DLGAP2: variants seen among roughly 807,000 people sequenced by gnomAD.
DLGAP2 encodes disks large-associated protein 2.
DLGAP2 carries 26 observed loss-of-function variants against 100.3 expected under a neutral mutation model. The observed-to-expected ratio is 0.26, with a 90% CI of 0.19 to 0.36. The LOEUF (loss-of-function observed/expected upper bound fraction) is 0.36. Among genes scored for constraint, DLGAP2 ranks in the 10% least tolerant of loss-of-function variants. The pLI is 1.00. For missense variants in DLGAP2, 1,858 were observed against 1,453.2 expected, an observed-to-expected ratio of 1.28 and a Z score of -4.53; for synonymous variants, 886 against 630.1, an observed-to-expected ratio of 1.41 and a Z score of -6.08.
intron 2 of DLGAP2, among the ~76,000 whole-genome samples, chr8:1,168,268 A>T (rs910783872): frequency 6.6e-6 from 1 of 151,720 alleles, no homozygotes; most frequent in Non-Finnish European, 1.5e-5. Context: ...CATTTTCTTA[A>T]TCCAGTCTAT....
chr8:1,478,166 C>T (rs17063939), intron 3 of DLGAP2, among the ~76,000 whole-genome samples: 2,237 of 152,298 alleles, frequency 0.015, 54 homozygotes, highest in African/African-American at 0.05. Context: ...TCTGTCCACT[C>T]TCTTCCATTC....
At chr8:853,990 CT>C in intron 1 of DLGAP2, among the ~76,000 whole-genome samples, 1 of 152,240 alleles carries the variant, frequency 6.6e-6, no homozygotes, top group African/African-American at 2.4e-5. Context: ...CTCCCTGCAC[CT>C]CCTACCTAGC....
At chr8:1,234,459 A>G (rs1798602013) in intron 2 of DLGAP2, among the ~76,000 whole-genome samples, 1 of 152,164 alleles carries the variant, frequency 6.6e-6, no homozygotes, top group Non-Finnish European at 1.5e-5. Flanking sequence ...TCATAAGGAC[A>G]CTAGTAATAC....
chr8:770,443 T>A (rs1008683897), intron 1 of DLGAP2, among the ~76,000 whole-genome samples: 2 of 152,186 alleles, frequency 1.3e-5, no homozygotes, highest in African/African-American at 2.4e-5. Flanking sequence ...ACTTTTTTTC[T>A]TATAGAAATT....
intron 1 of DLGAP2, among the ~76,000 whole-genome samples, chr8:838,430 T>G (rs1796922069): frequency 6.6e-6 from 1 of 151,952 alleles, no homozygotes; most frequent in Non-Finnish European, 1.5e-5. Flanking sequence ...ATTTTATTTT[T>G]AGTGCTCCCT....
chr8:1,529,266 C>T (rs920375154), intron 4 of DLGAP2, among the ~76,000 whole-genome samples: 3 of 152,206 alleles, frequency 2.0e-5, no homozygotes, highest in Non-Finnish European at 2.9e-5. Flanking sequence ...CACTCACTAT[C>T]ATGAGAACAG....
chr8:1,074,470 C>T (rs1803539366), intron 2 of DLGAP2, among the ~76,000 whole-genome samples: 1 of 152,208 alleles, frequency 6.6e-6, no homozygotes. Flanking sequence ...AATACAGAAA[C>T]CCTTTCATGT....
Position 1,548,826 on chromosome 8 carries a change from G to C in DLGAP2, c.373G>C (p.Ala125Pro), listed in dbSNP as rs946633525. ...GCGGCCGCCCTACCTGCTGAGCCCC[G>C]CCGACAGCTGCCCCGGGGGGCGCCA... ...DARPPYLLSP[A>P]DSCPGGRHRC... Residue 125 changes from alanine to proline, a missense_variant, in exon 5 of 15, where the codon GCC (alanine) becomes CCC (proline). Coordinates refer to ENST00000637795, the MANE Select transcript of DLGAP2 (RefSeq NM_001346810.2). The C allele has an allele frequency of 1.3e-6, 2 of 1,578,542 alleles. No homozygotes were observed. The highest frequency in any genetic ancestry group is 4.6e-5 in the East Asian group (2 of 43,838).
intron 2 of DLGAP2, among the ~76,000 whole-genome samples, chr8:954,627 T>C (rs1799555729): frequency 6.6e-6 from 1 of 152,168 alleles, no homozygotes; most frequent in Non-Finnish European, 1.5e-5. Context: ...AGACATATAA[T>C]AGGATTGGAT....
chr8:775,302 C>T (rs1821486212), intron 1 of DLGAP2, among the ~76,000 whole-genome samples: 1 of 152,084 alleles, frequency 6.6e-6, no homozygotes, highest in Non-Finnish European at 1.5e-5. Flanking sequence ...CAAAGAGGGA[C>T]AATTTGACTT....
At chr8:1,625,045 T>TC (rs1426532202) in intron 6 of DLGAP2, among the ~76,000 whole-genome samples, 1 of 152,242 alleles carries the variant, frequency 6.6e-6, no homozygotes, top group African/African-American at 2.4e-5. Flanking sequence ...CAGTTTTTTT[T>TC]CTCTGATATT....
At chr8:1,621,146 C>A (rs79063624) in intron 6 of DLGAP2, 1 of 152,250 alleles carries the variant, frequency 6.6e-6, no homozygotes, top group African/African-American at 2.4e-5. Context: ...GTGGGAGGTG[C>A]CTTATTAAGA....
chr8:959,157 A>G (rs1056517452), intron 2 of DLGAP2, among the ~76,000 whole-genome samples: 1 of 152,226 alleles, frequency 6.6e-6, no homozygotes, highest in African/African-American at 2.4e-5. Context: ...GGATAAAAAT[A>G]TATTTCCTAA....
At chr8:1,143,772 C>G (rs973337343) in intron 2 of DLGAP2, among the ~76,000 whole-genome samples, 1 of 152,222 alleles carries the variant, frequency 6.6e-6, no homozygotes, top group Admixed American at 6.5e-5. Context: ...CAACAGTCAC[C>G]AGCACCTCTG....
chr8:876,333 C>CT (rs1797686795), intron 1 of DLGAP2, among the ~76,000 whole-genome samples: 2 of 152,222 alleles, frequency 1.3e-5, no homozygotes, highest in South Asian at 4.1e-4. Flanking sequence ...AATAAATTCT[C>CT]TGAGTTTTTA....
chr8:1,165,232 A>C (rs1290823583), intron 2 of DLGAP2, among the ~76,000 whole-genome samples: 2 of 151,296 alleles, frequency 1.3e-5, no homozygotes, highest in East Asian at 3.9e-4. Context: ...CGGGAGGAAC[A>C]GAGGCAGAGG....
rs563502494 is a variant in DLGAP2 at position 1,364,144 on chromosome 8, C to G, written c.106+105261C>G. Among the ~76,000 whole-genome samples, 342 of 152,306 alleles carry G rather than the reference C, an allele frequency of 2.2e-3. 1 individual carries two copies. Among genetic ancestry groups the G allele is most frequent in the African/African-American group, 7.9e-3 (329 of 41,574 alleles). Reference sequence around the variant, plus strand: ...CACCTTCCCTCCTGAGCCCGTCTCCCGTGCCTCCTCCCACTGGATGACATG... The same window carrying G: ...CACCTTCCCTCCTGAGCCCGTCTCCGGTGCCTCCTCCCACTGGATGACATG... On this transcript the variant is annotated intron_variant, in intron 3 of 14. Coordinates refer to ENST00000637795, the MANE Select transcript of DLGAP2 (RefSeq NM_001346810.2).
chr8:984,969 C>G (rs1800445232), intron 2 of DLGAP2, among the ~76,000 whole-genome samples: 1 of 152,194 alleles, frequency 6.6e-6, no homozygotes, highest in Admixed American at 6.5e-5. Context: ...GTGTATTTAT[C>G]TAAATGCTAA....
At chr8:756,132 C>G (rs1300627067) in intron 1 of DLGAP2, among the ~76,000 whole-genome samples, 1 of 152,070 alleles carries the variant, frequency 6.6e-6, no homozygotes, top group Non-Finnish European at 1.5e-5. Flanking sequence ...GAGTTTGTGG[C>G]TGGAATACCT....
Sources: allele counts gnomAD v4.1 joint callset (sites outside exome capture counted in the v4.1 genomes callset), GRCh38; gene constraint gnomAD v4.1.1; transcripts MANE v1.5; gene names NCBI Gene and HGNC (gene_info 2026-07-23, HGNC 2026-07-21).